The following KALRN variants were observed in gnomAD, a reference collection of about 807,000 sequenced individuals.
KALRN encodes kalirin RhoGEF kinase.
Under a neutral mutation model 353.7 loss-of-function variants are expected in KALRN, and 70 were observed. That is an observed-to-expected ratio of 0.20 (90% CI 0.16 to 0.24). The LOEUF (loss-of-function observed/expected upper bound fraction) is 0.24, where lower values mean the gene tolerates loss of function less well. KALRN is among the 10% of genes least tolerant of loss of function. KALRN has a pLI of 1.00. For synonymous variants in KALRN, 1,391 were observed against 1,434.8 expected (o/e 0.97, Z 0.69); for missense variants, 2,791 against 3,756.7 (o/e 0.74, Z 6.72).
In KALRN at chr3:124,413,559, G is replaced by A. The variant is rs201127247; in HGVS notation, c.2436G>A (p.Arg812=). 2 of 1,614,126 alleles carry A rather than the reference G, an allele frequency of 1.2e-6. No individual in the cohort carries two copies. Among genetic ancestry groups the A allele is most frequent in the East Asian group, 2.2e-5 (1 of 44,864 alleles). ...NTEDLTLAEQ[R]LQRHTERKLA... ...AGGACCTAACCCTGGCAGAACAGCG[G>A]CTGCAGCGCCACACAGAACGGAAGC... is the stretch of plus-strand genomic sequence containing the variant. The change falls in exon 14 of 60, where the codon CGG becomes CGA. Residue 812 remains arginine (R), a synonymous_variant. Coordinates refer to ENST00000682506, the MANE Select transcript of KALRN (RefSeq NM_001388419.1).
chr3:124,106,980 T>C (rs1436392120), intron 1 of KALRN, among the ~76,000 whole-genome samples: 1 of 152,200 alleles, frequency 6.6e-6, no homozygotes, highest in Non-Finnish European at 1.5e-5. Flanking sequence ...TTCCTTGTTA[T>C]CACTATGAAA....
At chr3:124,513,413 G>C (rs778925785) in intron 33 of KALRN, among the ~76,000 whole-genome samples, 2 of 152,066 alleles carry the variant, frequency 1.3e-5, no homozygotes, top group African/African-American at 4.8e-5. Flanking sequence ...TCAGCATGGG[G>C]ACACGGGGAC....
intron 1 of KALRN, among the ~76,000 whole-genome samples, chr3:124,092,922 C>T (rs2061207670): frequency 6.6e-6 from 1 of 152,142 alleles, no homozygotes; most frequent in Non-Finnish European, 1.5e-5. Context: ...GGTTACTTCT[C>T]TCTGGAGGGA....
At chr3:124,190,106 C>A (rs571628512) in intron 1 of KALRN, among the ~76,000 whole-genome samples, 43 of 152,214 alleles carry the variant, frequency 2.8e-4, no homozygotes, top group African/African-American at 1.0e-3. Context: ...GGTCAGATCC[C>A]ACTTACTGCA....
intron 34 of KALRN, among the ~76,000 whole-genome samples, chr3:124,623,428 A>ACACACACACACACACACACACACACACAC (rs1554055226): frequency 8.1e-6 from 1 of 122,730 alleles, no homozygotes; most frequent in Non-Finnish European, 1.9e-5. Flanking sequence ...ACACACACAC[A>ACACACACACACACACACACACACACACAC]AAAGGGAGTT....
At position 124,616,817 on chromosome 3, in the gene KALRN, T is replaced by G. The variant is rs537905893; in HGVS notation, c.5183-15603T>G. On this transcript the variant is annotated intron_variant, in intron 34 of 59. Coordinates refer to ENST00000682506, the MANE Select transcript of KALRN (RefSeq NM_001388419.1). ...CGTCTCTACTAAAAATACAAAAAAT[T>G]AGCCGGACATGGTGGCCGGCGCCTG... 2.6e-4 allele frequency among the ~76,000 whole-genome samples: 40 copies of G among 151,904 alleles called. No homozygotes were observed. In the East Asian group the frequency reaches 7.8e-3, roughly 29 times the overall value.
At chr3:124,488,150 G>A in intron 28 of KALRN, 54 bp from the exon 29 acceptor site, 1 of 1,062,040 alleles carries the variant, frequency 9.4e-7, no homozygotes, top group East Asian at 2.4e-5. Flanking sequence ...GTTAGGTGGT[G>A]GGAGGAAGCT....
intron 1 of KALRN, among the ~76,000 whole-genome samples, chr3:124,054,502 A>T (rs1346926418): frequency 6.6e-6 from 1 of 151,566 alleles, no homozygotes; most frequent in Non-Finnish European, 1.5e-5. Flanking sequence ...CTCCAGTTCC[A>T]GTCCTGACAC....
chr3:124,153,779 G>A (rs1354255562), intron 1 of KALRN, among the ~76,000 whole-genome samples: 1 of 151,860 alleles, frequency 6.6e-6, no homozygotes, highest in African/African-American at 2.4e-5. Flanking sequence ...TCCAGCACCT[G>A]TTGTTTCCTG....
At chr3:124,235,076 A>G (rs1258354194) in intron 3 of KALRN, 133 bp downstream of exon 3, 2 of 647,538 alleles carry the variant, frequency 3.1e-6, no homozygotes, top group Non-Finnish European at 5.5e-6. Context: ...CCATTCCTGG[A>G]ACACCATTGT....
intron 34 of KALRN, among the ~76,000 whole-genome samples, chr3:124,614,589 G>T (rs1362424182): frequency 3.3e-5 from 5 of 150,856 alleles, no homozygotes; most frequent in East Asian, 1.9e-4. Context: ...CAGAGACAGG[G>T]TGTTGCTGTG....
chr3:124,699,711 T>A (rs333274), intron 55 of KALRN, among the ~76,000 whole-genome samples, 158 bp from the exon 56 acceptor site: 176 of 152,318 alleles, frequency 1.2e-3, no homozygotes, highest in African/African-American at 3.8e-3. Flanking sequence ...GAATCCAAAC[T>A]ACCATAGTTA....
In KALRN at chr3:124,398,866, A is replaced by T; in HGVS notation, c.2341A>T (p.Ile781Phe). 1 of 1,604,782 alleles carries T rather than the reference A, an allele frequency of 6.2e-7. No homozygotes were observed. Among genetic ancestry groups the T allele is most frequent in the South Asian group, 1.1e-5 (1 of 89,508 alleles). The stretch of plus-strand genomic sequence containing the variant: ...ACTGCGCATCTTTGAGCAGTACACC[A>T]TCGAGGTAGCAGGGGGCCAGGAGGG... The part of the protein sequence containing the change: ...LQLRIFEQYT[I>F]EVTAELDAWN... Residue 781 changes from isoleucine to phenylalanine, a missense_variant, in exon 13 of 60, where the codon ATC becomes TTC. Around this residue, in one of 11 missense-constraint regions of KALRN, gnomAD observed 452 missense variants for 575.8 expected, o/e 0.78. Transcript: ENST00000682506.
At chr3:124,484,839 C>T (rs1427616714) in intron 28 of KALRN, among the ~76,000 whole-genome samples, 2 of 152,252 alleles carry the variant, frequency 1.3e-5, no homozygotes, top group Admixed American at 1.3e-4. Flanking sequence ...CATGGTGGCT[C>T]ATGCCTGTAA....
In KALRN at chr3:124,719,730, G is replaced by A; in HGVS notation, c.*260G>A. On this transcript the variant is annotated 3_prime_UTR_variant, in exon 60 of 60. Transcript: ENST00000682506. The surrounding 1 kb of genome is among the most constrained non-coding windows in gnomAD (Gnocchi z 5.3). ...CAGAAGTGTTCAGAAGAAGGGCAAAGATAAGAACAATATTAGCTGTTACGA... is the reference window on the plus strand; with the variant it reads ...CAGAAGTGTTCAGAAGAAGGGCAAAAATAAGAACAATATTAGCTGTTACGA... 2 of 406,782 alleles carry A rather than the reference G, an allele frequency of 4.9e-6. No homozygotes were observed. The highest frequency in any genetic ancestry group is 4.4e-6 in the Non-Finnish European group (1 of 224,816). 25.2% of individuals were successfully genotyped at this position (406,782 alleles called of 1,614,324 possible).
At chr3:124,295,336 G>A (rs764322462) in intron 5 of KALRN, among the ~76,000 whole-genome samples, 9 of 152,194 alleles carry the variant, frequency 5.9e-5, no homozygotes, top group Non-Finnish European at 8.8e-5. Context: ...CCAGTGACAA[G>A]CTTGTATGCT....
intron 2 of KALRN, among the ~76,000 whole-genome samples, chr3:124,233,970 C>T (rs913373522): frequency 6.6e-6 from 1 of 152,082 alleles, no homozygotes; most frequent in African/African-American, 2.4e-5. Flanking sequence ...GCATAGTGTC[C>T]ATTAATGAAT....
intron 1 of KALRN, among the ~76,000 whole-genome samples, chr3:124,056,541 T>C (rs1005704682): frequency 3.3e-5 from 5 of 152,180 alleles, no homozygotes; most frequent in African/African-American, 1.2e-4. Flanking sequence ...GTTCCTTTAA[T>C]CTCTTGAAAG....
chr3:124,323,892 G>A lies in KALRN; in HGVS notation c.1093-2088G>A, dbSNP rs1023654085. On this transcript the variant is annotated intron_variant, in intron 6 of 59. Transcript: ENST00000682506. The stretch of plus-strand genomic sequence containing the variant: ...CAGCCTGCCCTGGGGGTCATCTGCA[G>A]GTGATTCTCATGCAGACTGACAGCT... Among the ~76,000 whole-genome samples the A allele has an allele frequency of 2.6e-5, 4 of 152,216 alleles. No homozygotes were observed. In the South Asian group the frequency reaches 8.3e-4, roughly 32 times the overall value.
Sources: gnomAD v4.1 joint callset for allele counts (sites outside exome capture counted in the v4.1 genomes callset) on GRCh38, gnomAD v4.1.1 for gene constraint, gnomAD v4.1.1 regional missense constraint, Gnocchi (gnomAD v3.1) non-coding constraint, MANE v1.5 for transcripts, NCBI Gene and HGNC (gene_info 2026-07-23, HGNC 2026-07-21) for gene names.